Variants in NOMO3 observed in about 807,000 individuals in gnomAD.
The protein encoded by NOMO3 is BOS complex subunit NOMO3.
Under a neutral mutation model 69.9 loss-of-function variants are expected in NOMO3, and 15 were observed. That is an observed-to-expected ratio of 0.21 (90% CI 0.14 to 0.33). The LOEUF (loss-of-function observed/expected upper bound fraction) is 0.33, where lower values mean the gene tolerates loss of function less well. Ranked by LOEUF, NOMO3 falls within the 10% of genes least tolerant of loss-of-function variation. The probability of loss-of-function intolerance (pLI) is 1.00; values close to 1 mark genes in which losing one functional copy is unlikely to be tolerated. For synonymous variants in NOMO3, 89 were observed against 301.9 expected (o/e 0.29, Z 7.31); for missense variants, 218 against 761.0 (o/e 0.29, Z 8.39).
At chr16:16,239,309 C>T (rs2049356308) in intron 2 of NOMO3, among the ~76,000 whole-genome samples, 1 of 143,080 alleles carries the variant, frequency 7.0e-6, no homozygotes, top group Non-Finnish European at 1.5e-5. Context: ...TGCCACCACA[C>T]CCAGCTAATT....
At position 16,255,129 on chromosome 16, in the gene NOMO3, T is replaced by C. The variant is rs529752006; in HGVS notation, c.964-591T>C. ...GGCTTCACCATGTTGGCCAGGCTGG[T>C]CTTGGACTGCTGACCTCAAGTGATC... On this transcript the variant is annotated intron_variant, in intron 9 of 30. Transcript: ENST00000399336. Among the ~76,000 whole-genome samples the C allele has an allele frequency of 8.1e-4, 116 of 143,468 alleles. 5 individuals are homozygous for C. Among genetic ancestry groups the C allele is most frequent in the Non-Finnish European group, 1.3e-3 (89 of 67,682 alleles). The allele number at this position is 143,468 out of a possible 152,430, so 94.1% of individuals were successfully genotyped here.
Position 16,241,495 on chromosome 16 carries a change from T to G in NOMO3, c.301+1599T>G, listed in dbSNP as rs4780627. ...TGTGATCTCAGTTCACTGCAACTTC[T>G]GCCCGGGTTCAAGCAATTCTTGTGC... On this transcript the variant is annotated intron_variant, in intron 3 of 30. Coordinates refer to ENST00000399336, the MANE Select transcript of NOMO3 (RefSeq NM_001004067.4). Among the ~76,000 whole-genome samples the G allele has an allele frequency of 1.4e-3, 183 of 127,588 alleles. 4 individuals are homozygous for G. Among genetic ancestry groups the G allele is most frequent in the Middle Eastern group, 3.9e-3 (1 of 258 alleles). The allele number at this position is 127,588 out of a possible 152,430, so 83.7% of individuals were successfully genotyped here.
intron 2 of NOMO3, 28 bp downstream of exon 2, chr16:16,237,018 A>G (rs756648005): frequency 2.5e-6 from 4 of 1,585,980 alleles, no homozygotes; most frequent in Non-Finnish European, 3.4e-6. Context: ...GTCACTTATG[A>G]TGGGAAGTCA....
intron 9 of NOMO3, among the ~76,000 whole-genome samples, chr16:16,252,829 T>C (rs2049475630): frequency 1.2e-5 from 1 of 81,094 alleles, no homozygotes; most frequent in East Asian, 4.1e-4. Context: ...GTGGACCTCA[T>C]TTTTTTTTTT....
chr16:16,265,670 A>ATATATTTTTTTTTTTTTT (rs1237877207), intron 15 of NOMO3, among the ~76,000 whole-genome samples: 1 of 16,680 alleles, frequency 6.0e-5, no homozygotes, highest in Non-Finnish European at 9.3e-5. Flanking sequence ...ATATATATAT[A>ATATATTTTTTTTTTTTTT]TTTTTTTTTT....
chr16:16,265,926 C>A (rs968168278), intron 15 of NOMO3, among the ~76,000 whole-genome samples: 1 of 143,830 alleles, frequency 7.0e-6, no homozygotes, highest in Non-Finnish European at 1.5e-5. Flanking sequence ...AACTCCTGAC[C>A]TCAGGGGATC....
At chr16:16,250,264 G>C (rs1251841581) in intron 6 of NOMO3, among the ~76,000 whole-genome samples, 2 of 143,874 alleles carry the variant, frequency 1.4e-5, no homozygotes, top group Non-Finnish European at 3.0e-5. Flanking sequence ...CTTAAAATAT[G>C]TAAGGAGGCA....
intron 6 of NOMO3, among the ~76,000 whole-genome samples, chr16:16,249,688 CT>C (rs2049446752): frequency 7.0e-6 from 1 of 143,244 alleles, no homozygotes; most frequent in Non-Finnish European, 1.5e-5. Flanking sequence ...ATAGAAGAAT[CT>C]GAGTTTATTA....
chr16:16,263,224 T>G lies in NOMO3; in HGVS notation c.1537+9T>G, dbSNP rs2049579830. The G allele has an allele frequency of 4.4e-6, 7 of 1,594,172 alleles. 2 individuals are homozygous for G. The East Asian group carries it at 1.7e-4, about 39-fold the overall frequency. On this transcript the variant is annotated intron_variant, in intron 13 of 30. Coordinates refer to ENST00000399336, the MANE Select transcript of NOMO3 (RefSeq NM_001004067.4). ...GAAAGTCTCTTGTTTGGGTAAGATA[T>G]CACTGGAAAGTAAGAACACATAGTT...
intron 10 of NOMO3, 81 bp downstream of exon 10, chr16:16,255,906 A>T: frequency 2.7e-6 from 4 of 1,483,980 alleles, no homozygotes; most frequent in Non-Finnish European, 3.6e-6. Flanking sequence ...ACTGATGACT[A>T]TATGAGAACA....
intron 1 of NOMO3, among the ~76,000 whole-genome samples, chr16:16,233,534 A>T: frequency 8.7e-6 from 1 of 114,288 alleles, no homozygotes. Context: ...ATTAAGTTGT[A>T]AAGTCCTGTT....
At chr16:16,263,049 T>C (rs1162404380) in intron 12 of NOMO3, 25 bp from the exon 13 acceptor site, 1 of 1,593,930 alleles carries the variant, frequency 6.3e-7, no homozygotes, top group Non-Finnish European at 8.5e-7. Context: ...ATGCAGCCTC[T>C]AACGTTCCAT....
chr16:16,261,455 G>A lies in NOMO3; in HGVS notation c.1221-47G>A, dbSNP rs1352463681. On this transcript the variant is annotated intron_variant, in intron 11 of 30. Coordinates refer to ENST00000399336, the MANE Select transcript of NOMO3 (RefSeq NM_001004067.4). ...TTTTTGGTCGATAAGAGCCTTTCCT[G>A]TTATAATTGAGTCCTCGTGCTGGAA... is the stretch of plus-strand genomic sequence containing the variant. 54 of 1,563,522 alleles carry A rather than the reference G, an allele frequency of 3.5e-5. 10 individuals are homozygous for A. The South Asian group carries it at 3.8e-4, about 11-fold the overall frequency.
At chr16:16,250,271 G>A (rs2049451622) in intron 6 of NOMO3, among the ~76,000 whole-genome samples, 2 of 143,020 alleles carry the variant, frequency 1.4e-5, no homozygotes, top group South Asian at 4.5e-4. Context: ...TATGTAAGGA[G>A]GCAGCTTTAG....
Position 16,240,325 on chromosome 16 carries a change from T to G in NOMO3, c.301+429T>G, listed in dbSNP as rs1415827955. Among the ~76,000 whole-genome samples, 3 of 142,996 alleles carry G rather than the reference T, an allele frequency of 2.1e-5. 1 individual carries two copies. Among genetic ancestry groups the G allele is most frequent in the Admixed American group, 2.0e-4 (3 of 14,638 alleles). 93.8% of individuals were successfully genotyped at this position (142,996 alleles called of 152,430 possible). A position where few individuals can be genotyped will look rare whatever the true frequency, so the allele number is the denominator to read the frequency against. On this transcript the variant is annotated intron_variant, in intron 3 of 30. Transcript: ENST00000399336. ...CATAAAAATCCAGATTTATGTCCCA[T>G]GAGATGAGAAGACTGTCAGCCTTAT...
intron 16 of NOMO3, among the ~76,000 whole-genome samples, chr16:16,269,038 G>A (rs1485599432): frequency 7.1e-6 from 1 of 140,940 alleles, no homozygotes; most frequent in Admixed American, 6.8e-5. Context: ...AGGCAGGAAG[G>A]ATGCCTGTTG....
chr16:16,252,905 C>A (rs2049476523), intron 9 of NOMO3, among the ~76,000 whole-genome samples: 1 of 133,406 alleles, frequency 7.5e-6, no homozygotes, highest in African/African-American at 3.4e-5. Context: ...ACGATCTCAT[C>A]TCACTGCAGC....
At chr16:16,265,637 G>GATAT (rs1160088009) in intron 15 of NOMO3, among the ~76,000 whole-genome samples, 1,979 of 42,284 alleles carry the variant, frequency 0.047, 26 homozygotes, top group Non-Finnish European at 0.05. Context: ...GAGTTTCTCT[G>GATAT]ATATATATAT....
chr16:16,255,308 G>A (rs2049500819), intron 9 of NOMO3, among the ~76,000 whole-genome samples: 1 of 140,886 alleles, frequency 7.1e-6, no homozygotes, highest in Non-Finnish European at 1.5e-5. Flanking sequence ...AGGACTGATC[G>A]ATGCTGGAGG....
Sources: gnomAD v4.1 joint callset for allele counts (sites outside exome capture counted in the v4.1 genomes callset) on GRCh38, gnomAD v4.1.1 for gene constraint, MANE v1.5 for transcripts, NCBI Gene and HGNC (gene_info 2026-07-23, HGNC 2026-07-21) for gene names.